CTNNA2: variants seen among roughly 807,000 people sequenced by gnomAD.
CTNNA2 encodes the protein catenin alpha-2.
In CTNNA2, 42 loss-of-function variants were observed where a neutral mutation model predicts 101.0. That is an observed-to-expected ratio of 0.42 (90% CI 0.32 to 0.54). The LOEUF (loss-of-function observed/expected upper bound fraction) is 0.54. Among genes scored for constraint, CTNNA2 ranks in the 20% least tolerant of loss-of-function variants. The pLI is 0.14. For synonymous variants in CTNNA2, 450 were observed against 456.4 expected, an observed-to-expected ratio of 0.99 and a Z score of 0.18; for missense variants, 871 against 1,223.1, an observed-to-expected ratio of 0.71 and a Z score of 4.29.
At chr2:80,418,906 G>C (rs986056298) in intron 8 of CTNNA2, among the ~76,000 whole-genome samples, 5 of 152,212 alleles carry the variant, frequency 3.3e-5, no homozygotes, top group African/African-American at 1.2e-4. Context: ...CTGGAACATA[G>C]CAACTATGTC....
intron 11 of CTNNA2, among the ~76,000 whole-genome samples, chr2:80,549,454 G>T (rs1692372322): frequency 6.6e-6 from 1 of 152,086 alleles, no homozygotes; most frequent in South Asian, 2.1e-4. Flanking sequence ...GGTCATCACT[G>T]ATTTTTTTTC....
chr2:79,259,690 G>C (rs1265424696), intron 2 of CTNNA2, among the ~76,000 whole-genome samples: 1 of 152,178 alleles, frequency 6.6e-6, no homozygotes, highest in Non-Finnish European at 1.5e-5. Flanking sequence ...TGTGCAGGCT[G>C]CCTACCTGCA....
At chr2:80,553,941 C>G (rs1692801140) in intron 11 of CTNNA2, among the ~76,000 whole-genome samples, 1 of 152,090 alleles carries the variant, frequency 6.6e-6, no homozygotes, top group Admixed American at 6.5e-5. Context: ...TTGGGAAGTA[C>G]TACTTTTTGT....
At chr2:79,940,143 A>G (rs1273935900) in intron 7 of CTNNA2, among the ~76,000 whole-genome samples, 2 of 152,246 alleles carry the variant, frequency 1.3e-5, no homozygotes, top group Non-Finnish European at 2.9e-5. Flanking sequence ...ATTTTTAAGA[A>G]AAGTCAATAT....
intron 1 of CTNNA2, among the ~76,000 whole-genome samples, chr2:79,648,887 C>T (rs542794154): frequency 1.0e-3 from 152 of 152,262 alleles, no homozygotes; most frequent in Middle Eastern, 6.8e-3. Flanking sequence ...CTTATTTTTC[C>T]ACTTCAACAA....
intron 4 of CTNNA2, among the ~76,000 whole-genome samples, chr2:79,401,883 G>C (rs1678294076): frequency 6.6e-6 from 1 of 151,412 alleles, no homozygotes; most frequent in Non-Finnish European, 1.5e-5. Flanking sequence ...ACAAGAAACA[G>C]ATTCCAATAT....
At chr2:80,000,226 A>G (rs1463666896) in intron 7 of CTNNA2, among the ~76,000 whole-genome samples, 3 of 152,180 alleles carry the variant, frequency 2.0e-5, no homozygotes, top group African/African-American at 7.2e-5. Flanking sequence ...ATGGAAAAAG[A>G]TGATTTCTGT....
At chr2:80,535,614 A>G (rs1354461936) in intron 9 of CTNNA2, among the ~76,000 whole-genome samples, 1 of 152,160 alleles carries the variant, frequency 6.6e-6, no homozygotes, top group Non-Finnish European at 1.5e-5. Context: ...TTAAAATTAA[A>G]CTATATAGAA....
chr2:80,483,368 T>A (rs1267222306), intron 9 of CTNNA2, among the ~76,000 whole-genome samples: 3 of 146,096 alleles, frequency 2.1e-5, no homozygotes, highest in Admixed American at 6.9e-5. Context: ...TGTTGTTGTT[T>A]TATATATATA....
intron 1 of CTNNA2, among the ~76,000 whole-genome samples, chr2:79,608,575 T>C (rs1178021318): frequency 2.0e-5 from 3 of 152,028 alleles, no homozygotes; most frequent in Admixed American, 1.3e-4. Flanking sequence ...CTAAGTGAGA[T>C]TTATTTCAGG....
intron 4 of CTNNA2, among the ~76,000 whole-genome samples, chr2:79,389,672 C>G (rs780448505): frequency 6.6e-6 from 1 of 152,156 alleles, no homozygotes; most frequent in African/African-American, 2.4e-5. Flanking sequence ...GCCATCATAA[C>G]TTACACAACA....
intron 3 of CTNNA2, among the ~76,000 whole-genome samples, chr2:79,357,224 G>A (rs554647453): frequency 6.6e-6 from 1 of 152,114 alleles, no homozygotes. Flanking sequence ...TACTTGGGAG[G>A]CTGAGGCAGG....
intron 7 of CTNNA2, among the ~76,000 whole-genome samples, chr2:80,355,458 T>G (rs978261793): frequency 6.6e-6 from 1 of 152,170 alleles, no homozygotes; most frequent in Non-Finnish European, 1.5e-5. Context: ...ATTCTAAGGA[T>G]GATAGGGATG....
At chr2:79,252,768 GC>G (rs955563276) in intron 2 of CTNNA2, among the ~76,000 whole-genome samples, 2 of 151,306 alleles carry the variant, frequency 1.3e-5, no homozygotes, top group South Asian at 2.1e-4. Context: ...ATATCAACAT[GC>G]CCCCCCATTA....
At chr2:80,566,973 G>A (rs1434598314) in intron 12 of CTNNA2, among the ~76,000 whole-genome samples, 1 of 152,146 alleles carries the variant, frequency 6.6e-6, no homozygotes, top group African/African-American at 2.4e-5. Flanking sequence ...TGAAAGCTCT[G>A]AACAGTGTAC....
chr2:79,391,746 A>C (rs140678911), intron 4 of CTNNA2, among the ~76,000 whole-genome samples: 1,608 of 152,324 alleles, frequency 0.011, 22 homozygotes, highest in Non-Finnish European at 0.016. Context: ...CAAACCCAGC[A>C]ATCTGATTGT....
chr2:80,123,208 C>T (rs565370238), intron 7 of CTNNA2, among the ~76,000 whole-genome samples: 1 of 152,304 alleles, frequency 6.6e-6, no homozygotes, highest in African/African-American at 2.4e-5. Flanking sequence ...CCTCATTCAG[C>T]TCCCAAGCAT....
chr2:79,582,884 C>A (rs1470673059), intron 1 of CTNNA2, among the ~76,000 whole-genome samples: 1 of 152,108 alleles, frequency 6.6e-6, no homozygotes, highest in Non-Finnish European at 1.5e-5. Flanking sequence ...TAAGTTCATC[C>A]TTTCCCCACT....
At chr2:79,579,039 TCTTC>T (rs1255645902) in intron 1 of CTNNA2, among the ~76,000 whole-genome samples, 3 of 151,798 alleles carry the variant, frequency 2.0e-5, no homozygotes, top group African/African-American at 7.3e-5. Context: ...CTTCCTCCTT[TCTTC>T]CTTCCTTTTT....
Sources: gnomAD v4.1 joint callset for allele counts (sites outside exome capture counted in the v4.1 genomes callset) on GRCh38, gnomAD v4.1.1 for gene constraint, MANE v1.5 for transcripts, NCBI Gene and HGNC (gene_info 2026-07-23, HGNC 2026-07-21) for gene names.